Variants in NAA15 observed in about 807,000 individuals in gnomAD.
NAA15 encodes the protein N-alpha-acetyltransferase 15, NatA auxiliary subunit.
In NAA15, 34 loss-of-function variants were observed where a neutral mutation model predicts 114.0. The ratio of observed to expected loss-of-function variants is 0.30; its 90% CI spans 0.23 to 0.40. The LOEUF (loss-of-function observed/expected upper bound fraction) is 0.40, where lower values mean the gene tolerates loss of function less well. Ranked by LOEUF, NAA15 falls within the 10% of genes least tolerant of loss-of-function variation. NAA15 has a pLI of 1.00. For synonymous variants in NAA15, 340 were observed against 338.0 expected (o/e 1.01, Z -0.06); for missense variants, 658 against 1,004.5 (o/e 0.66, Z 4.66).
In NAA15 at chr4:139,378,875, A is replaced by T. The variant is rs73854526; in HGVS notation, c.2155+21A>T. ...TACTGGTATGTTTTTGTTTTCCATT[A>T]CTTAAGTATTTGATACAGTGGTTGA... On this transcript the variant is annotated intron_variant, in intron 17 of 19. Transcript: ENST00000296543. 2.9e-3 allele frequency: 4,239 copies of T among 1,437,322 alleles called. 83 individuals carry two copies. In the African/African-American group the frequency reaches 0.051, roughly 17 times the overall value. The allele number at this position is 1,437,322 out of a possible 1,614,324, so 89.0% of individuals were successfully genotyped here.
rs1385548057 is a variant in NAA15 at position 139,389,801 on chromosome 4, A to G, written c.*1717A>G. The stretch of plus-strand genomic sequence containing the variant: ...CTTTTACTGATTGAACAGTTGTGCT[A>G]CAATCAACTTTTCATAGTACATGAC... On this transcript the variant is annotated 3_prime_UTR_variant, in exon 20 of 20. Coordinates refer to ENST00000296543, the MANE Select transcript of NAA15 (RefSeq NM_057175.5). 1 of 152,676 alleles carries G rather than the reference A, an allele frequency of 6.5e-6. No individual in the cohort carries two copies. Among genetic ancestry groups the G allele is most frequent in the African/African-American group, 2.4e-5 (1 of 41,466 alleles). 9.5% of individuals were successfully genotyped at this position (152,676 alleles called of 1,614,324 possible).
intron 10 of NAA15, among the ~76,000 whole-genome samples, chr4:139,354,901 G>C (rs1017989200): frequency 6.6e-6 from 1 of 152,048 alleles, no homozygotes; most frequent in Non-Finnish European, 1.5e-5. Flanking sequence ...TTTTGAGATG[G>C]AGTCTTGCTC....
chr4:139,301,915 C>T, intron 1 of NAA15, 84 bp downstream of exon 1: 1 of 1,431,496 alleles, frequency 7.0e-7, no homozygotes, highest in Non-Finnish European at 9.5e-7. Context: ...CCGGCGGGCA[C>T]TGAGCCACTC....
chr4:139,305,024 G>A (rs1745962688), intron 1 of NAA15, among the ~76,000 whole-genome samples: 1 of 152,164 alleles, frequency 6.6e-6, no homozygotes. Flanking sequence ...GACTCAAGCA[G>A]TCCTCCCGCT....
At chr4:139,310,349 G>A (rs1305439169) in intron 1 of NAA15, among the ~76,000 whole-genome samples, 4 of 149,730 alleles carry the variant, frequency 2.7e-5, no homozygotes, top group Admixed American at 2.7e-4. Flanking sequence ...AGCTACTTGG[G>A]AGGCTGAGGC....
rs973540947 is a variant in NAA15 at position 139,373,807 on chromosome 4, T to C, written c.1948-2558T>C. Among the ~76,000 whole-genome samples the C allele has an allele frequency of 2.0e-5, 3 of 152,126 alleles. 1 individual carries two copies. The highest frequency in any genetic ancestry group is 2.0e-4 in the Admixed American group (3 of 15,270). ...TCCGCCTCCCAGGTTCAAGCGATTCTCCTGCCTCAGCTTCCCCAGTAGCTG... is the reference window on the plus strand; with the variant it reads ...TCCGCCTCCCAGGTTCAAGCGATTCCCCTGCCTCAGCTTCCCCAGTAGCTG... On this transcript the variant is annotated intron_variant, in intron 15 of 19. Transcript: ENST00000296543.
chr4:139,304,540 A>G (rs1745942770), intron 1 of NAA15, among the ~76,000 whole-genome samples: 1 of 152,236 alleles, frequency 6.6e-6, no homozygotes, highest in African/African-American at 2.4e-5. Flanking sequence ...TAGTATTTGC[A>G]TATAACCTAT....
intron 14 of NAA15, among the ~76,000 whole-genome samples, chr4:139,365,174 A>T (rs1199397919): frequency 1.3e-5 from 2 of 152,084 alleles, no homozygotes; most frequent in Non-Finnish European, 2.9e-5. Flanking sequence ...AGTAGCTGGG[A>T]TTACAGGCGC....
At chr4:139,332,501 A>G (rs1019852267) in intron 1 of NAA15, among the ~76,000 whole-genome samples, 16 of 151,798 alleles carry the variant, frequency 1.1e-4, no homozygotes, top group African/African-American at 3.1e-4. Context: ...CATGGACACA[A>G]AAGTTTAGCT....
intron 1 of NAA15, among the ~76,000 whole-genome samples, chr4:139,332,842 A>C (rs1183012224): frequency 6.6e-6 from 1 of 152,124 alleles, no homozygotes; most frequent in Non-Finnish European, 1.5e-5. Context: ...TTGGCCTACC[A>C]AAGTGCTGGG....
At chr4:139,373,082 A>G (rs113561181) in intron 15 of NAA15, among the ~76,000 whole-genome samples, 9 of 151,978 alleles carry the variant, frequency 5.9e-5, no homozygotes, top group African/African-American at 1.5e-4. Flanking sequence ...GGATTCTACC[A>G]TGTTGCCCAG....
At chr4:139,343,839 G>A (rs964911954) in intron 5 of NAA15, among the ~76,000 whole-genome samples, 2 of 152,118 alleles carry the variant, frequency 1.3e-5, no homozygotes, top group Non-Finnish European at 2.9e-5. Context: ...TATGATTCTT[G>A]CCTGAATCAG....
chr4:139,376,574 C>A, intron 16 of NAA15, 101 bp downstream of exon 16: 1 of 731,218 alleles, frequency 1.4e-6, no homozygotes, highest in Non-Finnish European at 2.4e-6. Context: ...GATTATTTAG[C>A]AAATGCCAAC....
At chr4:139,338,835 G>A (rs929986897) in intron 3 of NAA15, among the ~76,000 whole-genome samples, 2 of 151,230 alleles carry the variant, frequency 1.3e-5, no homozygotes, top group African/African-American at 4.9e-5. Flanking sequence ...TTTTGAGATG[G>A]AGTTTCACTC....
intron 1 of NAA15, among the ~76,000 whole-genome samples, chr4:139,317,389 C>T (rs1335616681): frequency 2.0e-5 from 3 of 152,010 alleles, no homozygotes; most frequent in East Asian, 1.9e-4. Context: ...TTTGGGCGGC[C>T]GAGGCGGGTA....
chr4:139,323,853 C>T (rs1309999891), intron 1 of NAA15, among the ~76,000 whole-genome samples: 1 of 152,280 alleles, frequency 6.6e-6, no homozygotes, highest in African/African-American at 2.4e-5. Flanking sequence ...GCAGAAGTCT[C>T]AGAGTGTATG....
At chr4:139,360,445 G>T in intron 12 of NAA15, 55 bp from the exon 13 acceptor site, 1 of 1,410,900 alleles carries the variant, frequency 7.1e-7, no homozygotes, top group Non-Finnish European at 9.3e-7. Context: ...AAATTCTGTG[G>T]TAGAATGATG....
At chr4:139,364,446 G>A (rs1748221066) in intron 14 of NAA15, among the ~76,000 whole-genome samples, 4 of 151,836 alleles carry the variant, frequency 2.6e-5, no homozygotes, top group Non-Finnish European at 4.4e-5. Flanking sequence ...TTTTATATAC[G>A]TTGTAAGGTG....
intron 10 of NAA15, among the ~76,000 whole-genome samples, chr4:139,354,959 C>T (rs1747896017): frequency 6.6e-6 from 1 of 152,172 alleles, no homozygotes; most frequent in South Asian, 2.1e-4. Context: ...TCACTGTAAC[C>T]TCCACCTCCC....
Sources: allele counts gnomAD v4.1 joint callset (sites outside exome capture counted in the v4.1 genomes callset), GRCh38; gene constraint gnomAD v4.1.1; transcripts MANE v1.5; gene names NCBI Gene and HGNC (gene_info 2026-07-23, HGNC 2026-07-21).